Variants in LSM12 observed in about 807,000 individuals in gnomAD.
LSM12 encodes LSM12 homolog.
For synonymous variants in LSM12, 74 were observed against 87.3 expected, an observed-to-expected ratio of 0.85 and a Z score of 0.85; for missense variants, 108 against 238.9, an observed-to-expected ratio of 0.45 and a Z score of 3.61.
intron 2 of LSM12, among the ~76,000 whole-genome samples, chr17:44,048,643 A>G (rs2049603660): frequency 6.6e-6 from 1 of 152,188 alleles, no homozygotes; most frequent in African/African-American, 2.4e-5. Context: ...GTTTAAGAAC[A>G]CACTGGGTTC....
chr17:44,056,820 C>T (rs2049720696), intron 2 of LSM12, among the ~76,000 whole-genome samples: 1 of 151,958 alleles, frequency 6.6e-6, no homozygotes. Context: ...ATGGAGAAAC[C>T]CTCTCTACTA....
rs1567964796 is a variant in LSM12, at chr17:44,066,608, CGGCGGCGGCGGCGGCAGCAGCG to C, written c.-43_-22del. On this transcript the variant is annotated 5_prime_UTR_variant, in exon 1 of 5. Coordinates refer to ENST00000293406, the MANE Select transcript of LSM12 (RefSeq NM_001371445.1). ...GCCATCTTGGGAGTGCAGCCGCGGC[CGGCGGCGGCGGCGGCAGCAGCG>C]GGCGAAAGCCGGGCCCCCAGTGAGC... 1.5e-5 allele frequency: 19 copies of C among 1,301,432 alleles called. No individual in the cohort carries two copies. The East Asian group carries it at 3.9e-4, about 26-fold the overall frequency. 80.6% of individuals were successfully genotyped at this position (1,301,432 alleles called of 1,614,324 possible).
intron 2 of LSM12, 41 bp downstream of exon 2, chr17:44,063,760 C>G (rs1259804273): frequency 6.3e-7 from 1 of 1,581,068 alleles, no homozygotes; most frequent in African/African-American, 1.4e-5. Flanking sequence ...ACTCATCTTT[C>G]CCACCATTTT....
chr17:44,056,871 A>G (rs1310612641), intron 2 of LSM12, among the ~76,000 whole-genome samples: 1 of 151,682 alleles, frequency 6.6e-6, no homozygotes, highest in African/African-American at 2.4e-5. Context: ...CATGCCTGTA[A>G]TCCCAGCTAC....
chr17:44,050,822 G>A (rs1331801584), intron 2 of LSM12, among the ~76,000 whole-genome samples: 2 of 152,142 alleles, frequency 1.3e-5, no homozygotes, highest in Non-Finnish European at 2.9e-5. Flanking sequence ...CGCCCAGTGT[G>A]CCTGAACATT....
chr17:44,065,397 C>A (rs1027491532), intron 1 of LSM12, among the ~76,000 whole-genome samples: 2 of 148,324 alleles, frequency 1.3e-5, no homozygotes, highest in Non-Finnish European at 3.0e-5. Context: ...GCCGAGATTG[C>A]GCCACCGCAC....
At chr17:44,051,826 G>A (rs62078886) in intron 2 of LSM12, among the ~76,000 whole-genome samples, 21,937 of 151,938 alleles carry the variant, frequency 0.14, 2,065 homozygotes, top group Non-Finnish European at 0.2. Context: ...AAAAATGTTA[G>A]GGCAGGCACA....
chr17:44,052,141 G>A (rs1221060685), intron 2 of LSM12, among the ~76,000 whole-genome samples: 3 of 151,672 alleles, frequency 2.0e-5, no homozygotes, highest in Admixed American at 6.6e-5. Flanking sequence ...AGCCAGGCAC[G>A]GTGGTGCACG....
intron 2 of LSM12, 64 bp from the exon 3 acceptor site, chr17:44,040,320 G>A: frequency 1.6e-6 from 2 of 1,243,888 alleles, no homozygotes; most frequent in Non-Finnish European, 2.3e-6. Context: ...CAACAGTCAG[G>A]ACCTAAGCTG....
In LSM12 at chr17:44,034,710, G is replaced by C. The variant is rs2049397201; in HGVS notation, c.*1498C>G. The C allele has an allele frequency of 6.8e-6, 1 of 146,666 alleles. No homozygotes were observed. Among genetic ancestry groups the C allele is most frequent in the Non-Finnish European group, 1.5e-5 (1 of 66,818 alleles). 9.1% of individuals were successfully genotyped at this position (146,666 alleles called of 1,614,324 possible). ...AAAAAAATTTCATTTTGAAGGCAGG[G>C]CTTGAATTATTTAATTTGATCCATT... On this transcript the variant is annotated 3_prime_UTR_variant, in exon 5 of 5. Transcript: ENST00000293406.
chr17:44,042,757 T>C (rs1052089879), intron 2 of LSM12, among the ~76,000 whole-genome samples: 4 of 152,008 alleles, frequency 2.6e-5, no homozygotes, highest in Admixed American at 2.0e-4. Flanking sequence ...TTAGTAGAGA[T>C]GGGGTTTCAC....
chr17:44,067,028 G>A (rs984980564), upstream of LSM12, among the ~76,000 whole-genome samples: 7 of 152,164 alleles, frequency 4.6e-5, no homozygotes, highest in African/African-American at 1.7e-4. Context: ...GGCTGGGAGC[G>A]GTGGCTCACG....
At position 44,040,248 on chromosome 17, in the gene LSM12, G is replaced by C. The variant is rs968530891; in HGVS notation, c.267C>G (p.Ser89Arg). Residue 89 changes from serine (S) to arginine (R), a missense_variant, in exon 3 of 5, where the codon AGC becomes AGG. Physicochemically the swap from Ser to Arg is moderately radical, Grantham distance 110. Transcript: ENST00000293406. ...LASLNVSKLA[S>R]KARTEKEEKL... ...TCTCCTCCTTCTCTGTCCGTGCTTT[G>C]CTGGCAAGCTAGGGTGGAAGAGAGG... is the stretch of plus-strand genomic sequence containing the variant. The C allele has an allele frequency of 6.2e-7, 1 of 1,613,206 alleles. No homozygotes were observed. Among genetic ancestry groups the C allele is most frequent in the Non-Finnish European group, 8.5e-7 (1 of 1,179,298 alleles).
chr17:44,061,253 G>A (rs1325560067), intron 2 of LSM12, among the ~76,000 whole-genome samples: 2 of 150,864 alleles, frequency 1.3e-5, no homozygotes, highest in African/African-American at 4.9e-5. Flanking sequence ...GGAGGCGGAG[G>A]TTGCGGTGAG....
At chr17:44,048,183 T>C (rs534471556) in intron 2 of LSM12, among the ~76,000 whole-genome samples, 21 of 152,024 alleles carry the variant, frequency 1.4e-4, no homozygotes, top group Middle Eastern at 3.4e-3. Flanking sequence ...CAGCAAAACA[T>C]AGAAAAATTT....
At chr17:44,053,303 C>T (rs2144097464) in intron 2 of LSM12, among the ~76,000 whole-genome samples, 1 of 152,306 alleles carries the variant, frequency 6.6e-6, no homozygotes, top group East Asian at 1.9e-4. Flanking sequence ...GCTACAAGAG[C>T]AAGGTCGAGT....
At chr17:44,038,976 C>T (rs1298632959) in intron 3 of LSM12, among the ~76,000 whole-genome samples, 1 of 147,514 alleles carries the variant, frequency 6.8e-6, no homozygotes, top group Non-Finnish European at 1.5e-5. Context: ...TGGGGGGAGG[C>T]GGGGTGGAGA....
rs138777507 is a variant in LSM12, at chr17:44,037,029, G to A, written c.495+383C>T. ...TGAGGCAGGAGAATCGCTTGAACCC[G>A]GGAGGCGGAGGTTGCAGTGAGCTGA... On this transcript the variant is annotated intron_variant, in intron 4 of 4. Coordinates refer to ENST00000293406, the MANE Select transcript of LSM12 (RefSeq NM_001371445.1). 4.9e-3 allele frequency: 766 copies of A among 155,604 alleles called. 8 individuals carry two copies. The highest frequency in any genetic ancestry group is 0.017 in the African/African-American group (726 of 41,666). 9.6% of individuals were successfully genotyped at this position (155,604 alleles called of 1,614,324 possible).
At chr17:44,040,318 A>G in intron 2 of LSM12, 62 bp from the exon 3 acceptor site, 1 of 1,279,966 alleles carries the variant, frequency 7.8e-7, no homozygotes, top group Non-Finnish European at 1.1e-6. Flanking sequence ...GCCAACAGTC[A>G]GGACCTAAGC....
Sources: allele counts gnomAD v4.1 joint callset (sites outside exome capture counted in the v4.1 genomes callset), GRCh38; gene constraint gnomAD v4.1.1; transcripts MANE v1.5; gene names NCBI Gene and HGNC (gene_info 2026-07-23, HGNC 2026-07-21).